The following ATF6 variants were observed in gnomAD, a reference collection of about 807,000 sequenced individuals.
The protein encoded by ATF6 is activating transcription factor 6.
A neutral mutation model predicts 83.6 loss-of-function variants in ATF6; 53 were observed. That is an observed-to-expected ratio of 0.63 (90% CI 0.51 to 0.80). The LOEUF (loss-of-function observed/expected upper bound fraction) is 0.80, where lower values mean the gene tolerates loss of function less well. Ranked by LOEUF, ATF6 falls within the 30% of genes least tolerant of loss-of-function variation. ATF6 has a pLI of 0.00. For synonymous variants in ATF6, 288 were observed against 285.8 expected (o/e 1.01, Z -0.08); for missense variants, 744 against 797.9 (o/e 0.93, Z 0.81).
At chr1:161,946,248 G>T (rs1364090072) in intron 15 of ATF6, among the ~76,000 whole-genome samples, 1 of 152,114 alleles carries the variant, frequency 6.6e-6, no homozygotes, top group Non-Finnish European at 1.5e-5. Flanking sequence ...GCCTGCTTTG[G>T]CCTCCCGAAG....
chr1:161,887,036 T>C lies in ATF6; in HGVS notation c.1719+23724T>C, dbSNP rs148343687. On this transcript the variant is annotated intron_variant, in intron 14 of 15. Transcript: ENST00000367942. Reference sequence around the variant, plus strand: ...AAAGAATGAAGGAAGGGAAGTGATATATTTGTCAACCCTAACTACATTGTA... The same window carrying C: ...AAAGAATGAAGGAAGGGAAGTGATACATTTGTCAACCCTAACTACATTGTA... Among the ~76,000 whole-genome samples the C allele has an allele frequency of 4.4e-3, 671 of 152,262 alleles. 4 individuals are homozygous for C. Among genetic ancestry groups the C allele is most frequent in the Non-Finnish European group, 7.9e-3 (536 of 68,018 alleles).
intron 9 of ATF6, among the ~76,000 whole-genome samples, chr1:161,835,740 C>G (rs1339462365): frequency 6.6e-6 from 1 of 152,160 alleles, no homozygotes; most frequent in Non-Finnish European, 1.5e-5. Flanking sequence ...GGGGCCACAG[C>G]ATAATCTGTG....
chr1:161,814,657 G>A (rs1302876809), intron 7 of ATF6, among the ~76,000 whole-genome samples: 2 of 152,164 alleles, frequency 1.3e-5, no homozygotes, highest in African/African-American at 2.4e-5. Flanking sequence ...AATAGAAAGA[G>A]TAAAATAAAA....
At chr1:161,807,751 T>C (rs1685326747) in intron 7 of ATF6, among the ~76,000 whole-genome samples, 1 of 151,796 alleles carries the variant, frequency 6.6e-6, no homozygotes, top group South Asian at 2.1e-4. Flanking sequence ...AGTGAACAGC[T>C]TTTTTTTGTT....
chr1:161,953,616 G>A (rs1040520634), intron 15 of ATF6, among the ~76,000 whole-genome samples: 1 of 152,092 alleles, frequency 6.6e-6, no homozygotes, highest in African/African-American at 2.4e-5. Context: ...CCTGTCAGAG[G>A]AACTGTTTTT....
intron 15 of ATF6, among the ~76,000 whole-genome samples, chr1:161,939,413 C>A (rs370465724): frequency 1.3e-5 from 2 of 152,238 alleles, no homozygotes; most frequent in South Asian, 4.1e-4. Flanking sequence ...TTTGCTGCAC[C>A]CATTAACTCG....
At chr1:161,824,764 T>C (rs986052886) in intron 9 of ATF6, among the ~76,000 whole-genome samples, 1 of 152,244 alleles carries the variant, frequency 6.6e-6, no homozygotes, top group African/African-American at 2.4e-5. Flanking sequence ...GTGGTACTTA[T>C]TTATTTAGTC....
intron 10 of ATF6, among the ~76,000 whole-genome samples, chr1:161,847,531 A>G (rs746737376): frequency 4.6e-5 from 7 of 152,168 alleles, no homozygotes; most frequent in Admixed American, 6.6e-5. Flanking sequence ...GCAACATAGC[A>G]ATGATAGATG....
At chr1:161,927,877 A>T (rs1688348389) in intron 15 of ATF6, among the ~76,000 whole-genome samples, 1 of 152,236 alleles carries the variant, frequency 6.6e-6, no homozygotes, top group Admixed American at 6.5e-5. Context: ...TAAGAGTAGA[A>T]ATGAGTAAAA....
chr1:161,783,874 G>T, intron 3 of ATF6, 116 bp from the exon 4 acceptor site: 2 of 674,000 alleles, frequency 3.0e-6, no homozygotes, highest in East Asian at 2.7e-5. Context: ...ATATTTTGGT[G>T]ACCTTAGCTT....
intron 12 of ATF6, among the ~76,000 whole-genome samples, chr1:161,857,432 T>C (rs1352237412): frequency 1.3e-5 from 2 of 152,178 alleles, no homozygotes; most frequent in Non-Finnish European, 2.9e-5. Context: ...TCCTAGACTT[T>C]GAGTTTTTAG....
At chr1:161,905,007 ATTTC>A (rs1432122241) in intron 14 of ATF6, among the ~76,000 whole-genome samples, 1 of 152,132 alleles carries the variant, frequency 6.6e-6, no homozygotes, top group African/African-American at 2.4e-5. Context: ...AGTCCTCCAT[ATTTC>A]TTTATGTGAC....
intron 7 of ATF6, among the ~76,000 whole-genome samples, chr1:161,812,052 C>G (rs1458923247): frequency 2.6e-5 from 4 of 152,156 alleles, no homozygotes; most frequent in South Asian, 4.1e-4. Flanking sequence ...AATCAACTAG[C>G]TAAGTGATTC....
rs1466020300 is a variant in ATF6, at chr1:161,778,267, G to C, written c.106G>C (p.Gly36Arg). ...DWDSALFAEL[G>R]YFTDTDELQL... ...AGATTCTGCTCTCTTTGCTGAACTC[G>C]GTTATTTCACAGACACTGATGAGCT... Residue 36 changes from glycine to arginine, a missense_variant, in exon 2 of 16, where the codon GGT (glycine) becomes CGT (arginine). Gly to Arg is a moderately radical substitution (Grantham distance 125). Coordinates refer to ENST00000367942, the MANE Select transcript of ATF6 (RefSeq NM_007348.4). The C allele has an allele frequency of 6.2e-7, 1 of 1,613,260 alleles. No individual in the cohort carries two copies. Among genetic ancestry groups the C allele is most frequent in the African/African-American group, 1.3e-5 (1 of 74,856 alleles).
At chr1:161,919,235 A>G (rs1688157002) in intron 15 of ATF6, among the ~76,000 whole-genome samples, 1 of 152,244 alleles carries the variant, frequency 6.6e-6, no homozygotes, top group South Asian at 2.1e-4. Context: ...ACACAAGATT[A>G]TTGAAATAAA....
intron 6 of ATF6, among the ~76,000 whole-genome samples, chr1:161,795,153 G>C (rs961620483): frequency 1.3e-5 from 2 of 151,986 alleles, no homozygotes; most frequent in African/African-American, 2.4e-5. Flanking sequence ...AAAAATGACA[G>C]ATGTATTCCT....
intron 12 of ATF6, among the ~76,000 whole-genome samples, chr1:161,857,497 G>T (rs1042018460): frequency 6.6e-6 from 1 of 152,064 alleles, no homozygotes; most frequent in Non-Finnish European, 1.5e-5. Flanking sequence ...GCAAAATAAG[G>T]ACATTTTCAC....
chr1:161,861,304 A>G (rs1378963309), intron 13 of ATF6, among the ~76,000 whole-genome samples: 1 of 152,142 alleles, frequency 6.6e-6, no homozygotes, highest in East Asian at 1.9e-4. Flanking sequence ...AAATATAGAT[A>G]GATAGATAGA....
rs533070046 is a variant in ATF6 at position 161,860,826 on chromosome 1, A to G, written c.1604+549A>G. Reference sequence around the variant, plus strand: ...TTTTACTTACAATGCATTTTTCACTACACAATAATACTTAAGATTTTGAAA... The same window carrying G: ...TTTTACTTACAATGCATTTTTCACTGCACAATAATACTTAAGATTTTGAAA... On this transcript the variant is annotated intron_variant, in intron 13 of 15. Coordinates refer to ENST00000367942, the MANE Select transcript of ATF6 (RefSeq NM_007348.4). Among the ~76,000 whole-genome samples, 119 of 152,256 alleles carry G rather than the reference A, an allele frequency of 7.8e-4. 1 individual carries two copies. The highest frequency in any genetic ancestry group is 2.8e-3 in the African/African-American group (115 of 41,572).
Sources: allele counts gnomAD v4.1 joint callset (sites outside exome capture counted in the v4.1 genomes callset), GRCh38; gene constraint gnomAD v4.1.1; transcripts MANE v1.5; gene names NCBI Gene and HGNC (gene_info 2026-07-23, HGNC 2026-07-21).